Variants in FGFR1 observed in about 807,000 individuals in gnomAD.
FGFR1 encodes the protein fibroblast growth factor receptor 1.
Under a neutral mutation model 93.7 loss-of-function variants are expected in FGFR1, and 18 were observed. The observed-to-expected ratio is 0.19, with a 90% CI of 0.13 to 0.28. The LOEUF is 0.28. Ranked by LOEUF, FGFR1 falls within the 10% of genes least tolerant of loss-of-function variation. The probability of loss-of-function intolerance (pLI) is 1.00; values close to 1 mark genes in which losing one functional copy is unlikely to be tolerated. For synonymous variants in FGFR1, 448 were observed against 429.3 expected (o/e 1.04, Z -0.54); for missense variants, 731 against 1,080.4 (o/e 0.68, Z 4.53).
Position 38,413,551 on chromosome 8 carries a change from AGG to A in FGFR1, c.*75_*76del. ...AGCAGGAAAGGGGACAGGGACGGAC[AGG>A]TGGTGGGCCCAGCAGGGGCTGTGGG... On this transcript the variant is annotated 3_prime_UTR_variant, in exon 18 of 18. Transcript: ENST00000447712. This position sits in a 1 kb window ranked among gnomAD's most constrained non-coding sequence, Gnocchi z 4.2. 3 of 1,475,214 alleles carry A rather than the reference AGG, an allele frequency of 2.0e-6. No homozygotes were observed. The highest frequency in any genetic ancestry group is 2.8e-6 in the Non-Finnish European group (3 of 1,089,724). 91.4% of individuals were successfully genotyped at this position (1,475,214 alleles called of 1,614,324 possible). A position where few individuals can be genotyped will look rare whatever the true frequency, so the allele number is the denominator to read the frequency against.
chr8:38,414,338 C>A, intron 15 of FGFR1, 49 bp from the exon 16 acceptor site: 5 of 1,613,066 alleles, frequency 3.1e-6, no homozygotes, highest in Non-Finnish European at 4.2e-6. Flanking sequence ...TCCGCCTCCC[C>A]TCCCCCAGCA....
intron 2 of FGFR1, among the ~76,000 whole-genome samples, chr8:38,453,482 ACAGT>A (rs1831770610): frequency 6.6e-6 from 1 of 152,236 alleles, no homozygotes; most frequent in South Asian, 2.1e-4. Context: ...CCAAGAGCCA[ACAGT>A]CAGTAAGGTG....
chr8:38,447,992 T>A (rs1029563366), intron 2 of FGFR1, among the ~76,000 whole-genome samples: 1 of 152,188 alleles, frequency 6.6e-6, no homozygotes, highest in Non-Finnish European at 1.5e-5. Context: ...TGGATCAACT[T>A]TGTACACCCA....
In FGFR1 at chr8:38,413,669, G is replaced by T. The variant is rs759376422; in HGVS notation, c.2428C>A (p.His810Asn). 2 of 1,613,498 alleles carry T rather than the reference G, an allele frequency of 1.2e-6. No individual in the cohort carries two copies. Among genetic ancestry groups the T allele is most frequent in the Admixed American group, 1.7e-5 (1 of 59,952 alleles). ...PLPEEPCLPRHPAQLANGGLK... is the reference protein window; with the variant it reads ...PLPEEPCLPRNPAQLANGGLK... ...CCGCCATTGGCAAGCTGGGCTGGGT[G>T]TCGGGGCAGGCAGGGCTCCTCGGGC... The change falls in exon 18 of 18, where the codon CAC becomes AAC. Residue 810 changes from histidine (H) to asparagine (N), a missense_variant. Physicochemically the swap from His to Asn is moderately conservative, Grantham distance 68. This residue lies in a region of FGFR1 where 79 missense variants were observed against 97.2 expected (regional missense o/e 0.81). Coordinates refer to ENST00000447712, the MANE Select transcript of FGFR1 (RefSeq NM_023110.3). The surrounding 1 kb of genome is among the most constrained non-coding windows in gnomAD (Gnocchi z 4.2).
chr8:38,441,435 G>A (rs1827425401), intron 2 of FGFR1, among the ~76,000 whole-genome samples: 1 of 152,174 alleles, frequency 6.6e-6, no homozygotes, highest in Non-Finnish European at 1.5e-5. Flanking sequence ...AGAGTTGTCT[G>A]AAAAGAAATT....
At chr8:38,441,561 C>T (rs1305450498) in intron 2 of FGFR1, among the ~76,000 whole-genome samples, 2 of 152,214 alleles carry the variant, frequency 1.3e-5, no homozygotes, top group Non-Finnish European at 2.9e-5. Context: ...ATTCCCAATA[C>T]ACTTTGCTTC....
intron 7 of FGFR1, chr8:38,422,957 C>T (rs1010962481): frequency 6.6e-6 from 5 of 758,716 alleles, no homozygotes; most frequent in East Asian, 2.5e-5. Flanking sequence ...CTGGCTTCCC[C>T]GCCTGCCCCA....
intron 3 of FGFR1, chr8:38,428,687 T>G: frequency 3.8e-6 from 2 of 532,710 alleles, no homozygotes; most frequent in Non-Finnish European, 6.8e-6. Flanking sequence ...GGGTCAGCTG[T>G]TCCTATTTAA....
chr8:38,419,405 C>T, intron 9 of FGFR1, 128 bp downstream of exon 9: 1 of 842,768 alleles, frequency 1.2e-6, no homozygotes, highest in Non-Finnish European at 2.0e-6. Context: ...CATGATATTC[C>T]ACTGTGCCTT....
chr8:38,440,323 C>A (rs1312784243), intron 2 of FGFR1: 6 of 1,604,936 alleles, frequency 3.7e-6, no homozygotes, highest in Non-Finnish European at 5.1e-6. Flanking sequence ...TGGCAGGACC[C>A]GGCCAGAGTG....
chr8:38,467,782 G>A (rs1563659404), intron 1 of FGFR1, 199 bp downstream of exon 1: 1 of 233,144 alleles, frequency 4.3e-6, no homozygotes, highest in Non-Finnish European at 8.5e-6. Context: ...GACGCGGACG[G>A]AGGGAAGGGA....
chr8:38,411,316 T>C lies in FGFR1; in HGVS notation c.*2312A>G, dbSNP rs530440782. ...AGATTCTTCATCCCTTCACACAACA[T>C]TGCTTCAAGGTAGGGCCAAGGCAGA... On this transcript the variant is annotated 3_prime_UTR_variant, in exon 18 of 18. Transcript: ENST00000447712. 6 of 212,438 alleles carry C rather than the reference T, an allele frequency of 2.8e-5. No homozygotes were observed. The South Asian group carries it at 7.5e-4, about 26-fold the overall frequency. 13.2% of individuals were successfully genotyped at this position (212,438 alleles called of 1,614,324 possible).
chr8:38,421,508 G>GA, intron 8 of FGFR1: 1 of 491,930 alleles, frequency 2.0e-6, no homozygotes, highest in Non-Finnish European at 3.7e-6. Context: ...CCCTGGAGGA[G>GA]TCGGGCTGCA....
At chr8:38,440,039 CTTTTTGA>C (rs1826852451) in intron 2 of FGFR1, among the ~76,000 whole-genome samples, 1 of 152,144 alleles carries the variant, frequency 6.6e-6, no homozygotes, top group Admixed American at 6.5e-5. Flanking sequence ...CCTATTCCAT[CTTTTTGA>C]TTTCTGAGTT....
chr8:38,454,400 T>A (rs182175371), intron 2 of FGFR1, among the ~76,000 whole-genome samples: 1 of 152,236 alleles, frequency 6.6e-6, no homozygotes, highest in South Asian at 2.1e-4. Context: ...TTTATCGCTG[T>A]CTACAATTGG....
At chr8:38,467,130 TC>T (rs1439123344) in intron 1 of FGFR1, among the ~76,000 whole-genome samples, 1 of 151,494 alleles carries the variant, frequency 6.6e-6, no homozygotes, top group Non-Finnish European at 1.5e-5. Context: ...CCTCATCCCT[TC>T]CCCCACCTCT....
rs1030982365 is a variant in FGFR1 at position 38,457,339 on chromosome 8, C to T, written c.91+17G>A. Reference sequence around the variant, plus strand: ...CCAAGGCCCAGGAGTCCAGGCTGCCCCCAGCCAGCACCTTACCTTGTTCAG... The same window carrying T: ...CCAAGGCCCAGGAGTCCAGGCTGCCTCCAGCCAGCACCTTACCTTGTTCAG... On this transcript the variant is annotated intron_variant, in intron 2 of 17. Coordinates refer to ENST00000447712, the MANE Select transcript of FGFR1 (RefSeq NM_023110.3). 6.2e-7 allele frequency: 1 copy of T among 1,610,704 alleles called. No homozygotes were observed. Among genetic ancestry groups the T allele is most frequent in the Non-Finnish European group, 8.5e-7 (1 of 1,179,846 alleles).
At chr8:38,421,729 G>A (rs754122719) in intron 8 of FGFR1, 68 bp downstream of exon 8, 9 of 1,547,872 alleles carry the variant, frequency 5.8e-6, no homozygotes, top group Non-Finnish European at 8.0e-6. Context: ...CCCCAAGCCT[G>A]GAAATGCATG....
chr8:38,433,412 G>C (rs1186361272), intron 2 of FGFR1, among the ~76,000 whole-genome samples: 2 of 152,080 alleles, frequency 1.3e-5, no homozygotes, highest in African/African-American at 4.8e-5. Flanking sequence ...CCAGGTTCAA[G>C]CCATTTTCCC....
Sources: gnomAD v4.1 joint callset for allele counts (sites outside exome capture counted in the v4.1 genomes callset) on GRCh38, gnomAD v4.1.1 for gene constraint, gnomAD v4.1.1 regional missense constraint, Gnocchi (gnomAD v3.1) non-coding constraint, MANE v1.5 for transcripts, NCBI Gene and HGNC (gene_info 2026-07-23, HGNC 2026-07-21) for gene names.